PCSK2: variants seen among roughly 807,000 people sequenced by gnomAD.
PCSK2 encodes neuroendocrine convertase 2.
In PCSK2, 14 loss-of-function variants were observed where a neutral mutation model predicts 69.7. The observed-to-expected ratio is 0.20, with a 90% CI of 0.13 to 0.31. The LOEUF is 0.31. PCSK2 is among the 10% of genes least tolerant of loss of function. The pLI is 1.00. For missense variants in PCSK2, 544 were observed against 842.5 expected (o/e 0.65, Z 4.39); for synonymous variants, 307 against 320.7 (o/e 0.96, Z 0.46).
intron 1 of PCSK2, among the ~76,000 whole-genome samples, chr20:17,238,231 A>G (rs758625649): frequency 6.6e-6 from 1 of 152,228 alleles, no homozygotes; most frequent in Non-Finnish European, 1.5e-5. Flanking sequence ...ATAGTGTTAC[A>G]GTCACTTGAT....
chr20:17,381,267 GT>G (rs2031079485), intron 5 of PCSK2, among the ~76,000 whole-genome samples: 3 of 152,318 alleles, frequency 2.0e-5, no homozygotes, highest in African/African-American at 7.2e-5. Context: ...TCTTAGCAAT[GT>G]TCCTTAACAT....
chr20:17,304,423 T>C lies in PCSK2; in HGVS notation c.282+44079T>C, dbSNP rs1053972525. ...GGAATTTCAGCATAACATTCTTTAA[T>C]CAGCTTTTCAATCCATGATTTCTTA... On this transcript the variant is annotated intron_variant, in intron 2 of 11. Coordinates refer to ENST00000262545, the MANE Select transcript of PCSK2 (RefSeq NM_002594.5). Among the ~76,000 whole-genome samples the C allele has an allele frequency of 2.0e-5, 3 of 152,184 alleles. No homozygotes were observed. In the East Asian group the frequency reaches 5.8e-4, roughly 29 times the overall value.
chr20:17,457,395 G>C (rs2284911), intron 10 of PCSK2, among the ~76,000 whole-genome samples: 30,337 of 152,072 alleles, frequency 0.2, 3,361 homozygotes, highest in African/African-American at 0.29. Context: ...GGCAGGAGTT[G>C]GTTCCTAGAA....
intron 2 of PCSK2, among the ~76,000 whole-genome samples, chr20:17,279,404 T>G (rs1479157568): frequency 1.3e-5 from 2 of 152,202 alleles, no homozygotes; most frequent in East Asian, 3.8e-4. Context: ...GTTCTCTGCA[T>G]TTTGTAGTGA....
chr20:17,471,442 C>T (rs2033199325), intron 11 of PCSK2, among the ~76,000 whole-genome samples: 1 of 152,190 alleles, frequency 6.6e-6, no homozygotes, highest in Non-Finnish European at 1.5e-5. Context: ...CCTCGTCTGT[C>T]ATATTCATGG....
intron 2 of PCSK2, among the ~76,000 whole-genome samples, chr20:17,298,186 A>T (rs1184867811): frequency 6.6e-6 from 1 of 152,338 alleles, no homozygotes; most frequent in South Asian, 2.1e-4. Flanking sequence ...CCTGAGTAAG[A>T]TACTAAATTT....
intron 2 of PCSK2, among the ~76,000 whole-genome samples, chr20:17,303,457 A>AATATAATATATATTATATATATTATATTT: frequency 1.7e-5 from 1 of 60,020 alleles, no homozygotes; most frequent in Non-Finnish European, 3.2e-5. Flanking sequence ...ATATTATATT[A>AATATAATATATATTATATATATTATATTT]AATATAATAT....
At chr20:17,421,607 T>A (rs2032127780) in intron 6 of PCSK2, among the ~76,000 whole-genome samples, 1 of 151,980 alleles carries the variant, frequency 6.6e-6, no homozygotes, top group Admixed American at 6.6e-5. Context: ...GCAGAGAGAC[T>A]GGAGACCAGA....
At chr20:17,296,179 T>C (rs1988888013) in intron 2 of PCSK2, among the ~76,000 whole-genome samples, 2 of 152,100 alleles carry the variant, frequency 1.3e-5, no homozygotes, top group Admixed American at 6.5e-5. Context: ...CAAAGCAGGC[T>C]CCCTTGGGCC....
chr20:17,327,517 C>T (rs1568604799), intron 2 of PCSK2, among the ~76,000 whole-genome samples: 1 of 152,178 alleles, frequency 6.6e-6, no homozygotes, highest in East Asian at 1.9e-4. Flanking sequence ...CCGACCCCCA[C>T]CCGTAAATAC....
chr20:17,364,608 C>A (rs2030526255), intron 4 of PCSK2, among the ~76,000 whole-genome samples: 1 of 152,120 alleles, frequency 6.6e-6, no homozygotes, highest in Admixed American at 6.5e-5. Context: ...TATGGGGGAA[C>A]CCACCCCCAT....
At chr20:17,275,109 AT>A (rs1988016616) in intron 2 of PCSK2, among the ~76,000 whole-genome samples, 2 of 133,880 alleles carry the variant, frequency 1.5e-5, no homozygotes, top group South Asian at 2.3e-4. Flanking sequence ...ATATATATAT[AT>A]ATAATGTTGG....
rs527467736 is a variant in PCSK2 at position 17,439,167 on chromosome 20, A to T, written c.885+2284A>T. On this transcript the variant is annotated intron_variant, in intron 8 of 11. Coordinates refer to ENST00000262545, the MANE Select transcript of PCSK2 (RefSeq NM_002594.5). ...TTTTTTTCTTTTGAGATAGGGTCTC[A>T]CTGCATCACCCAGGCTGGAGTGCAG... Among the ~76,000 whole-genome samples the T allele has an allele frequency of 2.7e-3, 416 of 151,514 alleles. 1 individual carries two copies. Among genetic ancestry groups the T allele is most frequent in the African/African-American group, 9.4e-3 (388 of 41,272 alleles).
At chr20:17,417,349 G>A (rs2123317346) in intron 6 of PCSK2, among the ~76,000 whole-genome samples, 1 of 150,236 alleles carries the variant, frequency 6.7e-6, no homozygotes, top group African/African-American at 2.4e-5. Context: ...GAATTCCCAA[G>A]TGTCCAATTA....
rs563918879 is a variant in PCSK2, at chr20:17,484,161, C to T, written c.*2091C>T. ...GTAATTTTTCAGCTCTCTGTATAAA[C>T]ATTAAATGTCTTATATAGCAGCAAA... On this transcript the variant is annotated 3_prime_UTR_variant, in exon 12 of 12. Transcript: ENST00000262545. The T allele has an allele frequency of 2.0e-5, 3 of 152,268 alleles. No individual in the cohort carries two copies. The highest frequency in any genetic ancestry group is 4.4e-5 in the Non-Finnish European group (3 of 67,992). The allele number at this position is 152,268 out of a possible 1,614,324, so 9.4% of individuals were successfully genotyped here.
intron 4 of PCSK2, among the ~76,000 whole-genome samples, chr20:17,366,477 C>A (rs1022285881): frequency 6.6e-6 from 1 of 152,176 alleles, no homozygotes; most frequent in African/African-American, 2.4e-5. Context: ...CCAGGACCGA[C>A]ACTGTGCCTG....
intron 8 of PCSK2, 32 bp downstream of exon 8, chr20:17,436,915 C>A: frequency 6.4e-7 from 1 of 1,556,972 alleles, no homozygotes; most frequent in Non-Finnish European, 8.7e-7. Context: ...GCCCCGGCCA[C>A]TCACAAGTTG....
intron 1 of PCSK2, among the ~76,000 whole-genome samples, chr20:17,248,613 G>T (rs1282613657): frequency 6.6e-6 from 1 of 152,206 alleles, no homozygotes; most frequent in East Asian, 1.9e-4. Context: ...TTAGGTTCAT[G>T]ATCAGTCAAT....
At chr20:17,308,071 C>T (rs546976192) in intron 2 of PCSK2, among the ~76,000 whole-genome samples, 1 of 145,284 alleles carries the variant, frequency 6.9e-6, no homozygotes, top group African/African-American at 2.6e-5. Context: ...AACTCATTCA[C>T]GGGGAGCAGG....
Sources: gnomAD v4.1 joint callset for allele counts (sites outside exome capture counted in the v4.1 genomes callset) on GRCh38, gnomAD v4.1.1 for gene constraint, MANE v1.5 for transcripts, NCBI Gene and HGNC (gene_info 2026-07-23, HGNC 2026-07-21) for gene names.